The following CCNB3 variants were observed in gnomAD, a reference collection of about 807,000 sequenced individuals.
The protein encoded by CCNB3 is G2/mitotic-specific cyclin-B3.
Under a neutral mutation model 68.0 loss-of-function variants are expected in CCNB3, and 12 were observed. The ratio of observed to expected loss-of-function variants is 0.18; its 90% CI spans 0.11 to 0.29. The LOEUF is 0.29. Ranked by LOEUF, CCNB3 falls within the 10% of genes least tolerant of loss-of-function variation. CCNB3 has a pLI of 1.00. For missense variants in CCNB3, 904 were observed against 993.1 expected (o/e 0.91, Z 1.21); for synonymous variants, 354 against 388.9 (o/e 0.91, Z 1.06).
intron 1 of CCNB3, among the ~76,000 whole-genome samples, chrX:50,224,062 T>C (rs1057246532): frequency 0.013 from 1,419 of 111,424 alleles, 15 homozygotes; most frequent in African/African-American, 0.045. Context: ...TGTTGTTAGG[T>C]TTTTTTTAAC....
chrX:50,301,707 G>T (rs903332926), intron 5 of CCNB3, among the ~76,000 whole-genome samples: 2 of 112,754 alleles, frequency 1.8e-5, no homozygotes, highest in Non-Finnish European at 3.8e-5. Context: ...GCTATCTTTT[G>T]TTTGTCTGTG....
intron 1 of CCNB3, among the ~76,000 whole-genome samples, chrX:50,222,175 G>T (rs1012220110): frequency 1.8e-5 from 2 of 110,965 alleles, no homozygotes; most frequent in Non-Finnish European, 3.8e-5. Context: ...ACATGTGATG[G>T]GTTTCCTGAA....
chrX:50,226,558 T>C (rs1199657414), intron 1 of CCNB3, among the ~76,000 whole-genome samples: 1,007 of 76,889 alleles, frequency 0.013, 7 homozygotes, highest in Middle Eastern at 0.038. Context: ...ATATAGAATA[T>C]ATATATAAAT....
chrX:50,217,267 G>GTTTTTTTTTTTTTTTTTTTTTTTTTT (rs1220524134), intron 1 of CCNB3, among the ~76,000 whole-genome samples: 1 of 29,692 alleles, frequency 3.4e-5, no homozygotes. Flanking sequence ...CTTCACTCTT[G>GTTTTTTTTTTTTTTTTTTTTTTTTTT]TTTTTTTTTT....
At chrX:50,223,510 A>C (rs1935705842) in intron 1 of CCNB3, among the ~76,000 whole-genome samples, 1 of 111,714 alleles carries the variant, frequency 9.0e-6, no homozygotes, top group African/African-American at 3.2e-5. Flanking sequence ...TTTCCTTCTA[A>C]CAGTCAGGCC....
At chrX:50,299,679 G>A (rs1180315759) in intron 5 of CCNB3, among the ~76,000 whole-genome samples, 1 of 110,733 alleles carries the variant, frequency 9.0e-6, no homozygotes, top group Non-Finnish European at 1.9e-5. Context: ...TTCAATTCCT[G>A]GATATCCTTG....
chrX:50,310,004 C>T lies in CCNB3; in HGVS notation c.1835C>T (p.Ser612Phe). 1 of 1,210,627 alleles carries T rather than the reference C, an allele frequency of 8.3e-7. No individual in the cohort carries two copies. Among genetic ancestry groups the T allele is most frequent in the Non-Finnish European group, 1.1e-6 (1 of 894,807 alleles). Reference sequence around the variant, plus strand: ...CCACTGGTCTTGCAGAAGATCACTTCTGAGGAGGAGTCATTCTATAAGAAG... The same window carrying T: ...CCACTGGTCTTGCAGAAGATCACTTTTGAGGAGGAGTCATTCTATAAGAAG... ...KKPLVLQKITSEEESFYKKLL... is the reference protein window; with the variant it reads ...KKPLVLQKITFEEESFYKKLL... Residue 612 changes from serine to phenylalanine, a missense_variant, in exon 6 of 13, where the codon TCT becomes TTT. Physicochemically the swap from Ser to Phe is radical, Grantham distance 155 (BLOSUM62 -2). Transcript: ENST00000376042.
At chrX:50,327,368 A>T (rs188443409) in intron 8 of CCNB3, among the ~76,000 whole-genome samples, 237 of 112,775 alleles carry the variant, frequency 2.1e-3, no homozygotes, top group African/African-American at 6.5e-3. Context: ...AAGTGGTAGA[A>T]TTATGTTAGA....
At chrX:50,290,324 G>C (rs1228548990) in intron 4 of CCNB3, among the ~76,000 whole-genome samples, 1 of 111,679 alleles carries the variant, frequency 9.0e-6, no homozygotes, top group African/African-American at 3.3e-5. Flanking sequence ...TTGGTATCTG[G>C]TGAGGGCCCG....
At chrX:50,221,660 T>G (rs1157349608) in intron 1 of CCNB3, among the ~76,000 whole-genome samples, 1 of 111,835 alleles carries the variant, frequency 8.9e-6, no homozygotes, top group Non-Finnish European at 1.9e-5. Context: ...TCCGTTCTTT[T>G]GCATTTGCTG....
In CCNB3 at chrX:50,335,568, C is replaced by T. The variant is rs1014737816; in HGVS notation, c.3517-6634C>T. Among the ~76,000 whole-genome samples, 10 of 111,632 alleles carry T rather than the reference C, an allele frequency of 9.0e-5. No homozygotes were observed. In the East Asian group the frequency reaches 2.6e-3, roughly 29 times the overall value. ...TTCCTTCGAGAGCTTCTCTGGGAAC[C>T]GGATACTGCTTTTGTCTAATTGGCT... is the stretch of plus-strand genomic sequence containing the variant. On this transcript the variant is annotated intron_variant, in intron 8 of 12. Coordinates refer to ENST00000376042, the MANE Select transcript of CCNB3 (RefSeq NM_033031.3).
intron 7 of CCNB3, 57 bp from the exon 8 acceptor site, chrX:50,313,799 C>T (rs1381099106): frequency 2.3e-6 from 2 of 871,704 alleles, no homozygotes; most frequent in Non-Finnish European, 3.4e-6. Flanking sequence ...TGTTAAGTTA[C>T]AATGTTGAAC....
chrX:50,344,439 C>T (rs1483330849), intron 9 of CCNB3, among the ~76,000 whole-genome samples: 1 of 112,660 alleles, frequency 8.9e-6, no homozygotes, highest in East Asian at 2.8e-4. Context: ...TTTTTTGTCC[C>T]TCTTCCCAAA....
intron 10 of CCNB3, 60 bp from the exon 11 acceptor site, chrX:50,347,566 C>T: frequency 2.7e-6 from 3 of 1,107,465 alleles, no homozygotes; most frequent in Non-Finnish European, 3.7e-6. Flanking sequence ...GAGAGGGAGT[C>T]CTCTGCTTGG....
At chrX:50,304,962 C>G (rs1557213267) in intron 5 of CCNB3, among the ~76,000 whole-genome samples, 2 of 112,051 alleles carry the variant, frequency 1.8e-5, no homozygotes, top group Admixed American at 1.9e-4. Flanking sequence ...GAGATACCAT[C>G]TCACACCAGT....
At chrX:50,228,678 TATAGAATATATAC>T (rs1935982238) in intron 1 of CCNB3, among the ~76,000 whole-genome samples, 2 of 81,519 alleles carry the variant, frequency 2.5e-5, no homozygotes, top group East Asian at 3.4e-4. Flanking sequence ...ATAGAATATA[TATAGAATATATAC>T]ATAGAATATA....
At chrX:50,228,715 TAA>T (rs1163544053) in intron 1 of CCNB3, among the ~76,000 whole-genome samples, 1 of 60,864 alleles carries the variant, frequency 1.6e-5, no homozygotes, top group Non-Finnish European at 3.0e-5. Context: ...AGAATATATA[TAA>T]AGAATATATA....
chrX:50,228,727 A>G (rs1935986745), intron 1 of CCNB3, among the ~76,000 whole-genome samples: 2 of 69,854 alleles, frequency 2.9e-5, no homozygotes, highest in Admixed American at 2.0e-4. Flanking sequence ...AAGAATATAT[A>G]TAGAATATAG....
intron 9 of CCNB3, among the ~76,000 whole-genome samples, chrX:50,343,371 T>G (rs1923236146): frequency 8.9e-6 from 1 of 111,752 alleles, no homozygotes; most frequent in African/African-American, 3.3e-5. Flanking sequence ...CATTTAGCAT[T>G]AGGTATGTGT....
Sources: gnomAD v4.1 joint callset for allele counts (sites outside exome capture counted in the v4.1 genomes callset) on GRCh38, gnomAD v4.1.1 for gene constraint, MANE v1.5 for transcripts, NCBI Gene and HGNC (gene_info 2026-07-23, HGNC 2026-07-21) for gene names.